Variants in GRXCR1 observed in about 807,000 individuals in gnomAD.
GRXCR1 encodes glutaredoxin and cysteine rich domain containing 1.
GRXCR1 carries 27 observed loss-of-function variants against 27.3 expected under a neutral mutation model. The observed-to-expected ratio is 0.99, with a 90% CI of 0.73 to 1.37. The LOEUF (loss-of-function observed/expected upper bound fraction) is 1.37, where lower values mean the gene tolerates loss of function less well. Ranked by LOEUF, GRXCR1 falls within the 40% of genes most tolerant of loss-of-function variation. The pLI is 0.00. For synonymous variants in GRXCR1, 122 were observed against 131.1 expected (o/e 0.93, Z 0.47); for missense variants, 379 against 354.4 (o/e 1.07, Z -0.56).
intron 1 of GRXCR1, among the ~76,000 whole-genome samples, chr4:42,952,543 G>A (rs748330): frequency 0.048 from 7,250 of 152,228 alleles, 217 homozygotes; most frequent in African/African-American, 0.08. Context: ...TCTCTTGTCA[G>A]TAGTTGTACT....
chr4:42,954,341 C>T (rs1389643492), intron 1 of GRXCR1, among the ~76,000 whole-genome samples: 1 of 152,104 alleles, frequency 6.6e-6, no homozygotes, highest in African/African-American at 2.4e-5. Context: ...CTGTGACAGC[C>T]TCTTCATGGT....
At chr4:43,030,295 G>T (rs1344780454) in intron 3 of GRXCR1, 66 bp from the exon 4 acceptor site, 1 of 1,439,386 alleles carries the variant, frequency 6.9e-7, no homozygotes, top group Non-Finnish European at 9.8e-7. Context: ...AAGACCGGGA[G>T]GCTGATTGAG....
chr4:42,920,917 ATTCAAG>A (rs140823503), intron 1 of GRXCR1, among the ~76,000 whole-genome samples: 43,278 of 151,580 alleles, frequency 0.29, 6,660 homozygotes, highest in African/African-American at 0.4. Flanking sequence ...TGCGGCTATC[ATTCAAG>A]TTCAAGTTTG....
chr4:42,990,416 C>T (rs1297601330), intron 2 of GRXCR1, among the ~76,000 whole-genome samples: 3 of 151,376 alleles, frequency 2.0e-5, no homozygotes, highest in Non-Finnish European at 2.9e-5. Flanking sequence ...TGGTCTCGAT[C>T]TCCTGACCTC....
At chr4:42,923,041 C>T (rs1747056219) in intron 1 of GRXCR1, among the ~76,000 whole-genome samples, 1 of 152,134 alleles carries the variant, frequency 6.6e-6, no homozygotes, top group South Asian at 2.1e-4. Flanking sequence ...CACTCAACCC[C>T]CAACCTGACA....
intron 2 of GRXCR1, among the ~76,000 whole-genome samples, chr4:43,011,484 C>A (rs1482157851): frequency 2.0e-5 from 3 of 152,144 alleles, no homozygotes. Context: ...TAATACCGTA[C>A]CTTCCCCATG....
chr4:42,906,418 G>A (rs1746592296), intron 1 of GRXCR1, among the ~76,000 whole-genome samples: 1 of 152,152 alleles, frequency 6.6e-6, no homozygotes, highest in African/African-American at 2.4e-5. Context: ...GCAAAATAAA[G>A]TATAAAACAC....
intron 1 of GRXCR1, among the ~76,000 whole-genome samples, chr4:42,913,378 T>C (rs572313358): frequency 2.0e-5 from 3 of 152,102 alleles, no homozygotes; most frequent in Non-Finnish European, 4.4e-5. Flanking sequence ...GGGTCTCAGA[T>C]GGAGATGAGA....
At chr4:42,954,981 A>G (rs1747964779) in intron 1 of GRXCR1, among the ~76,000 whole-genome samples, 2 of 152,186 alleles carry the variant, frequency 1.3e-5, no homozygotes, top group Non-Finnish European at 2.9e-5. Context: ...ATGCACATTT[A>G]ACTATAGAGG....
chr4:42,951,337 T>C (rs1439291970), intron 1 of GRXCR1, among the ~76,000 whole-genome samples: 1 of 152,122 alleles, frequency 6.6e-6, no homozygotes, highest in Non-Finnish European at 1.5e-5. Context: ...CTCACAGACA[T>C]ACCCAGAGAT....
At chr4:42,936,276 A>G (rs1747456097) in intron 1 of GRXCR1, among the ~76,000 whole-genome samples, 2 of 151,920 alleles carry the variant, frequency 1.3e-5, no homozygotes, top group South Asian at 4.1e-4. Context: ...CAAGTTGAAA[A>G]TTAGTGTTTA....
chr4:42,955,488 G>A (rs542262554), intron 1 of GRXCR1, among the ~76,000 whole-genome samples: 1 of 152,066 alleles, frequency 6.6e-6, no homozygotes, highest in Non-Finnish European at 1.5e-5. Flanking sequence ...TCAGTGGAAA[G>A]CACGTGGACT....
chr4:42,932,617 TATAGAG>T (rs1464916966), intron 1 of GRXCR1, among the ~76,000 whole-genome samples: 11 of 29,130 alleles, frequency 3.8e-4, no homozygotes, highest in South Asian at 1.9e-3. Context: ...TATATATATA[TATAGAG>T]AGAGAGAGAG....
chr4:42,975,017 G>A (rs368017900), intron 2 of GRXCR1, among the ~76,000 whole-genome samples: 4 of 152,182 alleles, frequency 2.6e-5, no homozygotes, highest in African/African-American at 7.2e-5. Flanking sequence ...CAAAAGGGTG[G>A]TATGACTACC....
At chr4:42,932,466 A>G (rs56025321) in intron 1 of GRXCR1, among the ~76,000 whole-genome samples, 1 of 68,002 alleles carries the variant, frequency 1.5e-5, no homozygotes, top group Non-Finnish European at 3.2e-5. Context: ...CCATCTCTTT[A>G]TCATGCAGCC....
chr4:42,960,631 C>T (rs1249561113), intron 1 of GRXCR1, among the ~76,000 whole-genome samples: 1 of 151,750 alleles, frequency 6.6e-6, no homozygotes, highest in African/African-American at 2.4e-5. Context: ...TGTCACAAGT[C>T]CTACACTTGT....
chr4:42,897,066 T>G (rs573664221), intron 1 of GRXCR1, among the ~76,000 whole-genome samples: 1 of 152,040 alleles, frequency 6.6e-6, no homozygotes, highest in African/African-American at 2.4e-5. Flanking sequence ...TGGAAAATTT[T>G]AAAAATATAT....
At chr4:42,990,250 G>GTCGGGA (rs1281576981) in intron 2 of GRXCR1, among the ~76,000 whole-genome samples, 1 of 129,262 alleles carries the variant, frequency 7.7e-6, no homozygotes, top group African/African-American at 2.9e-5. Context: ...GGAGTGCAGT[G>GTCGGGA]TCGGGATCTC....
At chr4:42,938,852 A>G (rs1255155999) in intron 1 of GRXCR1, among the ~76,000 whole-genome samples, 1 of 147,580 alleles carries the variant, frequency 6.8e-6, no homozygotes, top group Non-Finnish European at 1.5e-5. Flanking sequence ...ATTCTGTTCC[A>G]TTGGTCTACG....
Sources: gnomAD v4.1 joint callset for allele counts (sites outside exome capture counted in the v4.1 genomes callset) on GRCh38, gnomAD v4.1.1 for gene constraint, MANE v1.5 for transcripts, NCBI Gene and HGNC (gene_info 2026-07-23, HGNC 2026-07-21) for gene names.